The following ARHGEF3 variants were observed in gnomAD, a reference collection of about 807,000 sequenced individuals.
ARHGEF3 encodes Rho guanine nucleotide exchange factor 3, also known as 59.8 kDA protein.
A neutral mutation model predicts 63.2 loss-of-function variants in ARHGEF3; 28 were observed. The ratio of observed to expected loss-of-function variants is 0.44; its 90% CI spans 0.33 to 0.61. The LOEUF (loss-of-function observed/expected upper bound fraction) is 0.61, where lower values mean the gene tolerates loss of function less well. Ranked by LOEUF, ARHGEF3 falls within the 20% of genes least tolerant of loss-of-function variation. The pLI is 0.03. For missense variants in ARHGEF3, 533 were observed against 659.3 expected (o/e 0.81, Z 2.10); for synonymous variants, 266 against 254.2 (o/e 1.05, Z -0.44).
chr3:56,882,264 C>T (rs1289043732), intron 4 of ARHGEF3: 3 of 1,542,538 alleles, frequency 1.9e-6, no homozygotes, highest in South Asian at 1.2e-5. Flanking sequence ...CTCTCGGTGC[C>T]AGTGGGGGAA....
chr3:56,911,968 C>CAT (rs200334035), intron 3 of ARHGEF3, among the ~76,000 whole-genome samples: 2,593 of 150,390 alleles, frequency 0.017, 78 homozygotes, highest in African/African-American at 0.058. Context: ...TATACACACA[C>CAT]ATATATATAT....
At chr3:57,007,292 T>A (rs1197730270) in intron 2 of ARHGEF3, 1 of 1,289,776 alleles carries the variant, frequency 7.8e-7, no homozygotes, top group Non-Finnish European at 1.0e-6. Flanking sequence ...AAACCAGTTG[T>A]TCCTGCCATT....
At chr3:56,930,051 C>T (rs550929641) in intron 3 of ARHGEF3, among the ~76,000 whole-genome samples, 3 of 152,298 alleles carry the variant, frequency 2.0e-5, no homozygotes, top group South Asian at 2.1e-4. Context: ...ACCAGCCCCC[C>T]CCTCCCACCA....
intron 2 of ARHGEF3, among the ~76,000 whole-genome samples, chr3:56,959,602 G>T (rs146622577): frequency 4.3e-4 from 66 of 152,244 alleles, no homozygotes; most frequent in African/African-American, 1.5e-3. Flanking sequence ...TGTCAATATG[G>T]ATATTCAGAT....
chr3:56,954,697 T>C (rs1366227905), intron 3 of ARHGEF3, among the ~76,000 whole-genome samples: 1 of 152,110 alleles, frequency 6.6e-6, no homozygotes, highest in East Asian at 1.9e-4. Flanking sequence ...TAGACAAGCA[T>C]GGGAACTGAA....
intron 4 of ARHGEF3, among the ~76,000 whole-genome samples, chr3:56,862,171 G>A (rs1044644893): frequency 6.6e-6 from 1 of 151,788 alleles, no homozygotes; most frequent in African/African-American, 2.4e-5. Context: ...AGGGTGAGGG[G>A]AGTGGGAGGG....
intron 2 of ARHGEF3, among the ~76,000 whole-genome samples, chr3:56,981,582 C>G (rs1701330093): frequency 6.6e-6 from 1 of 152,194 alleles, no homozygotes; most frequent in South Asian, 2.1e-4. Context: ...TGTATTATTT[C>G]AAACCTGGTA....
At chr3:56,912,295 C>G (rs1257460273) in intron 3 of ARHGEF3, among the ~76,000 whole-genome samples, 2 of 152,182 alleles carry the variant, frequency 1.3e-5, no homozygotes, top group Non-Finnish European at 2.9e-5. Context: ...GTGCCTCTTA[C>G]TTAGGCACTA....
intron 2 of ARHGEF3, among the ~76,000 whole-genome samples, chr3:57,008,155 T>C (rs760458266): frequency 1.1e-4 from 16 of 152,216 alleles, no homozygotes; most frequent in Non-Finnish European, 2.2e-4. Flanking sequence ...CTACATGTAC[T>C]TTCCTAGAAC....
At position 57,066,270 on chromosome 3, in the gene ARHGEF3, CT is replaced by C. The variant is rs796586047; in HGVS notation, c.-28+12955del. ...CAACCATTACACTTTTCCTTTCTTT[CT>C]TTTTTTTTTTTTCTGAAACAGAGTC... On this transcript the variant is annotated intron_variant, in intron 1 of 12. Coordinates refer to the ARHGEF3 transcript ENST00000338458. 9.6e-3 allele frequency among the ~76,000 whole-genome samples: 1,390 copies of C among 145,182 alleles called. 14 individuals carry two copies. Among genetic ancestry groups the C allele is most frequent in the African/African-American group, 0.031 (1,255 of 39,950 alleles).
intron 4 of ARHGEF3, among the ~76,000 whole-genome samples, chr3:56,860,881 T>C (rs2040050423): frequency 6.6e-6 from 1 of 152,180 alleles, no homozygotes; most frequent in East Asian, 1.9e-4. Context: ...AATGGTCAGC[T>C]GTAAGGAAGA....
In ARHGEF3 at chr3:56,825,058, G is replaced by C. The variant is rs554180176; in HGVS notation, c.193-51242C>G. ...CCCAGTCTGGATTCTGATTCCACCA[G>C]TAATTTGCTCTGAGACCCTGGGTGA... On this transcript the variant is annotated intron_variant, in intron 4 of 12. Transcript: ENST00000338458. 7.9e-4 allele frequency among the ~76,000 whole-genome samples: 120 copies of C among 152,202 alleles called. 1 individual carries two copies. Among genetic ancestry groups the C allele is most frequent in the Non-Finnish European group, 2.2e-4 (15 of 68,038 alleles).
chr3:56,989,754 G>T (rs549257045), intron 2 of ARHGEF3, among the ~76,000 whole-genome samples: 44 of 152,298 alleles, frequency 2.9e-4, no homozygotes, highest in South Asian at 1.0e-3. Flanking sequence ...GACTTCATCA[G>T]TGAGTTCTAA....
chr3:57,067,334 A>C (rs929949516), intron 1 of ARHGEF3, among the ~76,000 whole-genome samples: 1 of 151,378 alleles, frequency 6.6e-6, no homozygotes, highest in Admixed American at 6.6e-5. Context: ...GGGCGCCTGT[A>C]CTCCCAGTTA....
chr3:56,834,125 G>A (rs1430630229), intron 4 of ARHGEF3, among the ~76,000 whole-genome samples: 1 of 152,008 alleles, frequency 6.6e-6, no homozygotes, highest in East Asian at 1.9e-4. Flanking sequence ...GGCTGGTTCC[G>A]AACTCCTGAC....
chr3:56,792,113 A>AAAAAAAAGAAAAG (rs55899473), intron 1 of ARHGEF3, among the ~76,000 whole-genome samples: 1 of 139,984 alleles, frequency 7.1e-6, no homozygotes, highest in Non-Finnish European at 1.5e-5. Context: ...CAAAAAAAAA[A>AAAAAAAAGAAAAG]AAAAGAAAAG....
chr3:56,815,696 G>T (rs1023386230), intron 4 of ARHGEF3, among the ~76,000 whole-genome samples: 16 of 152,228 alleles, frequency 1.1e-4, no homozygotes, highest in African/African-American at 3.9e-4. Context: ...TTAAAAATAG[G>T]TACTCGGTTA....
intron 4 of ARHGEF3, among the ~76,000 whole-genome samples, chr3:56,822,963 AG>A (rs2038574368): frequency 1.3e-5 from 2 of 152,148 alleles, no homozygotes; most frequent in South Asian, 4.2e-4. Flanking sequence ...AGGTGCACAC[AG>A]CTGCTGATAG....
At chr3:56,792,113 A>AAAAAAAAAAAAGAAAAGAAAAG (rs55899473) in intron 1 of ARHGEF3, among the ~76,000 whole-genome samples, 3 of 139,982 alleles carry the variant, frequency 2.1e-5, no homozygotes, top group Non-Finnish European at 3.0e-5. Context: ...CAAAAAAAAA[A>AAAAAAAAAAAAGAAAAGAAAAG]AAAAGAAAAG....
Sources: allele counts gnomAD v4.1 joint callset (sites outside exome capture counted in the v4.1 genomes callset), GRCh38; gene constraint gnomAD v4.1.1; transcripts MANE v1.5; gene names NCBI Gene and HGNC (gene_info 2026-07-23, HGNC 2026-07-21).